The following INTS6 variants were observed in gnomAD, a reference collection of about 807,000 sequenced individuals.
INTS6 encodes integrator complex subunit 6, also known as DEAD box protein.
INTS6 carries 16 observed loss-of-function variants against 104.9 expected under a neutral mutation model. The ratio of observed to expected loss-of-function variants is 0.15; its 90% CI spans 0.10 to 0.23. The LOEUF (loss-of-function observed/expected upper bound fraction) is 0.23. Among genes scored for constraint, INTS6 ranks in the 10% least tolerant of loss-of-function variants. The pLI is 1.00. For missense variants in INTS6, 584 were observed against 1,062.8 expected (o/e 0.55, Z 6.26); for synonymous variants, 324 against 358.7 (o/e 0.90, Z 1.09).
At chr13:51,414,307 A>AT (rs1956743496) in intron 4 of INTS6, among the ~76,000 whole-genome samples, 2 of 152,210 alleles carry the variant, frequency 1.3e-5, no homozygotes, top group African/African-American at 4.8e-5. Context: ...AGCCTTCTGT[A>AT]TTTTTAAACC....
rs563398032 is a variant in INTS6 at position 51,370,391 on chromosome 13, A to G, written c.2105-1081T>C. Among the ~76,000 whole-genome samples the G allele has an allele frequency of 5.3e-5, 8 of 152,184 alleles. No individual in the cohort carries two copies. The South Asian group carries it at 1.7e-3, about 32-fold the overall frequency. On this transcript the variant is annotated intron_variant, in intron 15 of 17. Coordinates refer to ENST00000311234, the MANE Select transcript of INTS6 (RefSeq NM_012141.3). ...ATTCACGCTGTCTCTCCTTATCACT[A>G]TCTTAGGCCAATCTCCAGGGTACAA...
At chr13:51,451,954 A>AAGGGGG (rs762558603) in intron 2 of INTS6, 24 bp downstream of exon 2, 20 of 1,499,216 alleles carry the variant, frequency 1.3e-5, no homozygotes, top group Non-Finnish European at 1.8e-5. Flanking sequence ...GAAGGGAGGA[A>AAGGGGG]AGGGGGAGGG....
chr13:51,432,300 C>T (rs1957105890), intron 3 of INTS6, among the ~76,000 whole-genome samples: 1 of 152,088 alleles, frequency 6.6e-6, no homozygotes, highest in Non-Finnish European at 1.5e-5. Flanking sequence ...CACTTCCCTA[C>T]AACATCTATC....
the INTS6 span, chr13:51,347,057 C>A: frequency 1.9e-6 from 3 of 1,594,770 alleles, no homozygotes; most frequent in Non-Finnish European, 2.6e-6. Context: ...TGGTGGCTGG[C>A]CGTGGGAGCA....
chr13:51,359,749 A>T (rs1450141244), downstream of INTS6, among the ~76,000 whole-genome samples: 1 of 152,106 alleles, frequency 6.6e-6, no homozygotes, highest in Non-Finnish European at 1.5e-5. Context: ...GAGATTAGTA[A>T]AAGCCTCTCA....
At chr13:51,342,328 C>T in the INTS6 span, among the ~76,000 whole-genome samples, 1 of 152,150 alleles carries the variant, frequency 6.6e-6, no homozygotes, top group Non-Finnish European at 1.5e-5. Context: ...CCACCTATAC[C>T]TGGGTGACAC....
the INTS6 span, among the ~76,000 whole-genome samples, chr13:51,334,934 G>A: frequency 7.4e-6 from 1 of 135,446 alleles, no homozygotes; most frequent in Non-Finnish European, 1.5e-5. Context: ...AGTGAGCTGA[G>A]ATCATGCCAC....
chr13:51,432,468 ACAC>A (rs1957110180), intron 3 of INTS6, among the ~76,000 whole-genome samples: 3 of 151,942 alleles, frequency 2.0e-5, no homozygotes, highest in African/African-American at 4.8e-5. Flanking sequence ...AAAAAAAAAA[ACAC>A]CATCTTGTAT....
At position 51,364,319 on chromosome 13, in the gene INTS6, TAA is replaced by T. The variant is rs1955642968; in HGVS notation, c.*1431_*1432del. On this transcript the variant is annotated 3_prime_UTR_variant, in exon 18 of 18. Coordinates refer to ENST00000311234, the MANE Select transcript of INTS6 (RefSeq NM_012141.3). ...CCACTTTCATCAATGCTTTTCTTCA[TAA>T]AGTTATAATTTCATTTTGCTATACC... 6 of 1,257,134 alleles carry T rather than the reference TAA, an allele frequency of 4.8e-6. No homozygotes were observed. In the Admixed American group the frequency reaches 1.4e-4, roughly 29 times the overall value. 77.9% of individuals were successfully genotyped at this position (1,257,134 alleles called of 1,614,324 possible).
At chr13:51,407,726 T>C (rs962835247) in intron 4 of INTS6, among the ~76,000 whole-genome samples, 18 of 152,168 alleles carry the variant, frequency 1.2e-4, no homozygotes, top group Admixed American at 1.1e-3. Flanking sequence ...GACGCATACA[T>C]ACACCATAAG....
At chr13:51,379,663 A>G (rs1309986597) in intron 10 of INTS6, 91 bp from the exon 11 acceptor site, 1 of 595,778 alleles carries the variant, frequency 1.7e-6, no homozygotes, top group Non-Finnish European at 2.8e-6. Context: ...TCTCCAAAAA[A>G]TTATTTCCCC....
intron 13 of INTS6, among the ~76,000 whole-genome samples, chr13:51,375,473 T>G (rs1171537231): frequency 1.2e-5 from 1 of 86,268 alleles, no homozygotes; most frequent in East Asian, 3.4e-4. Context: ...AAGTACAGTA[T>G]GGTAAAAAAA....
Position 51,413,605 on chromosome 13 carries a change from T to C in INTS6, c.429+16689A>G, listed in dbSNP as rs184841864. Reference sequence around the variant, plus strand: ...GTTTTTATGACAGAAACACATTCTTTAACATTTTAAATATCTACCTTAAAA... The same window carrying C: ...GTTTTTATGACAGAAACACATTCTTCAACATTTTAAATATCTACCTTAAAA... On this transcript the variant is annotated intron_variant, in intron 4 of 17. Transcript: ENST00000311234. 7.9e-5 allele frequency among the ~76,000 whole-genome samples: 12 copies of C among 152,360 alleles called. No homozygotes were observed. In the East Asian group the frequency reaches 2.3e-3, roughly 29 times the overall value.
At chr13:51,411,244 A>C (rs1156498316) in intron 4 of INTS6, among the ~76,000 whole-genome samples, 2 of 149,934 alleles carry the variant, frequency 1.3e-5, no homozygotes, top group East Asian at 3.9e-4. Context: ...TAAATAAATA[A>C]ATAAATAAAT....
rs189654094 is a variant in INTS6, at chr13:51,387,282, T to C, written c.894+104A>G. The C allele has an allele frequency of 1.3e-3, 1,362 of 1,076,710 alleles. 20 individuals carry two copies. The Admixed American group carries it at 0.03, about 24-fold the overall frequency. The allele number at this position is 1,076,710 out of a possible 1,614,324, so 66.7% of individuals were successfully genotyped here. ...GGTATCATAGCACTTTGAACATCTG[T>C]CTAATCCCCATAAATTAATCACAGC... On this transcript the variant is annotated intron_variant, in intron 7 of 17. Coordinates refer to ENST00000311234, the MANE Select transcript of INTS6 (RefSeq NM_012141.3).
intron 3 of INTS6, 200 bp downstream of exon 3, chr13:51,450,825 A>G: frequency 8.3e-7 from 1 of 1,200,898 alleles, no homozygotes; most frequent in African/African-American, 1.6e-5. Flanking sequence ...CTGAATACCA[A>G]TGCATTTTAG....
At chr13:51,435,296 TATA>T (rs1382536313) in intron 3 of INTS6, among the ~76,000 whole-genome samples, 2 of 151,960 alleles carry the variant, frequency 1.3e-5, no homozygotes, top group African/African-American at 4.8e-5. Context: ...TAATGCAAAA[TATA>T]ATGTTCTAGC....
At chr13:51,435,649 C>T (rs1470794703) in intron 3 of INTS6, among the ~76,000 whole-genome samples, 1 of 151,912 alleles carries the variant, frequency 6.6e-6, no homozygotes, top group Non-Finnish European at 1.5e-5. Flanking sequence ...GTAATTTCCT[C>T]CAAATATAAA....
chr13:51,341,470 C>T, the INTS6 span: 4 of 965,118 alleles, frequency 4.1e-6, no homozygotes, highest in South Asian at 1.6e-5. Flanking sequence ...CTCATACTCA[C>T]ACTCACTCTC....
Sources: allele counts gnomAD v4.1 joint callset (sites outside exome capture counted in the v4.1 genomes callset), GRCh38; gene constraint gnomAD v4.1.1; transcripts MANE v1.5; gene names NCBI Gene and HGNC (gene_info 2026-07-23, HGNC 2026-07-21).